R3HDM1: variants seen among roughly 807,000 people sequenced by gnomAD.
R3HDM1 encodes R3H domain containing 1.
Under a neutral mutation model 141.1 loss-of-function variants are expected in R3HDM1, and 46 were observed. The ratio of observed to expected loss-of-function variants is 0.33; its 90% CI spans 0.26 to 0.42. The LOEUF (loss-of-function observed/expected upper bound fraction) is 0.42. Ranked by LOEUF, R3HDM1 falls within the 10% of genes least tolerant of loss-of-function variation. R3HDM1 has a pLI of 1.00. For missense variants in R3HDM1, 1,184 were observed against 1,368.3 expected (o/e 0.87, Z 2.12); for synonymous variants, 435 against 472.9 (o/e 0.92, Z 1.04).
intron 1 of R3HDM1, among the ~76,000 whole-genome samples, chr2:135,595,844 A>G (rs1390475400): frequency 1.3e-5 from 2 of 152,160 alleles, no homozygotes; most frequent in Non-Finnish European, 2.9e-5. Flanking sequence ...TTCTTTGTCT[A>G]AACCCTAGTC....
intron 24 of R3HDM1, among the ~76,000 whole-genome samples, chr2:135,720,548 T>C (rs2076602653): frequency 6.6e-6 from 1 of 152,244 alleles, no homozygotes; most frequent in Admixed American, 6.5e-5. Context: ...GTGTGATGAC[T>C]TCAGGCTTTC....
At chr2:135,555,952 G>A (rs994976162) in intron 1 of R3HDM1, among the ~76,000 whole-genome samples, 1 of 152,086 alleles carries the variant, frequency 6.6e-6, no homozygotes, top group Admixed American at 6.6e-5. Context: ...GGAGGTTGAG[G>A]CTGCAGTGAG....
intron 3 of R3HDM1, among the ~76,000 whole-genome samples, chr2:135,608,889 T>C (rs2060295579): frequency 6.6e-6 from 1 of 152,218 alleles, no homozygotes; most frequent in African/African-American, 2.4e-5. Context: ...GTTATCTTGC[T>C]TCAGCATAGT....
intron 9 of R3HDM1, among the ~76,000 whole-genome samples, chr2:135,635,039 C>A (rs1191085915): frequency 6.6e-6 from 1 of 152,118 alleles, no homozygotes; most frequent in Non-Finnish European, 1.5e-5. Context: ...AAAGATGAGT[C>A]CACTATAAAA....
chr2:135,564,645 G>T (rs1254729155), intron 1 of R3HDM1, among the ~76,000 whole-genome samples: 1 of 152,188 alleles, frequency 6.6e-6, no homozygotes, highest in Non-Finnish European at 1.5e-5. Flanking sequence ...AATTTCTATA[G>T]TGCAGAGTAG....
intron 19 of R3HDM1, 56 bp downstream of exon 19, chr2:135,661,449 T>C (rs1025584485): frequency 6.3e-7 from 1 of 1,578,628 alleles, no homozygotes; most frequent in Admixed American, 1.7e-5. Context: ...CCATCTTCTA[T>C]TTCAGTGTTG....
intron 24 of R3HDM1, among the ~76,000 whole-genome samples, chr2:135,721,038 A>C (rs149156766): frequency 6.6e-6 from 1 of 152,262 alleles, no homozygotes; most frequent in African/African-American, 2.4e-5. Flanking sequence ...CCATATCTTC[A>C]AAGTATCCAG....
At chr2:135,558,362 A>C (rs16831823) in intron 1 of R3HDM1, among the ~76,000 whole-genome samples, 14,194 of 152,234 alleles carry the variant, frequency 0.093, 912 homozygotes, top group South Asian at 0.31. Context: ...CAACTATCTA[A>C]ATTTGGAACA....
intron 19 of R3HDM1, among the ~76,000 whole-genome samples, chr2:135,672,040 T>G (rs1453393232): frequency 6.6e-6 from 1 of 151,940 alleles, no homozygotes; most frequent in Non-Finnish European, 1.5e-5. Flanking sequence ...ATGTTACCTG[T>G]AGAGTTTTAT....
At chr2:135,594,977 A>AC (rs58907969) in intron 1 of R3HDM1, among the ~76,000 whole-genome samples, 27,329 of 138,790 alleles carry the variant, frequency 0.2, 2,736 homozygotes, top group South Asian at 0.3. Flanking sequence ...GGGATTCTAC[A>AC]CCCCCCCCCC....
intron 5 of R3HDM1, 144 bp from the exon 6 acceptor site, chr2:135,621,345 ATTAAG>A (rs759809251): frequency 6.6e-6 from 3 of 451,820 alleles, no homozygotes; most frequent in East Asian, 3.4e-5. Context: ...GTAAAGTATT[ATTAAG>A]TTGTTTTTTA....
At chr2:135,608,003 A>ATTG in intron 3 of R3HDM1, 1 of 970,916 alleles carries the variant, frequency 1.0e-6, no homozygotes, top group Non-Finnish European at 1.2e-6. Context: ...TTCATTGTTT[A>ATTG]TTGAAGTATT....
intron 17 of R3HDM1, 103 bp downstream of exon 17, chr2:135,650,106 G>A (rs1467948467): frequency 9.8e-7 from 1 of 1,016,212 alleles, no homozygotes; most frequent in African/African-American, 1.7e-5. Flanking sequence ...GATTTTTTTT[G>A]GGTCAGGTTT....
chr2:135,621,350 G>A (rs2061495898), intron 5 of R3HDM1, 144 bp from the exon 6 acceptor site: 1 of 456,848 alleles, frequency 2.2e-6, no homozygotes, highest in Non-Finnish European at 3.9e-6. Context: ...GTATTATTAA[G>A]TTGTTTTTTA....
chr2:135,566,626 A>G (rs1235462185), intron 1 of R3HDM1: 1 of 326,038 alleles, frequency 3.1e-6, no homozygotes, highest in Non-Finnish European at 4.4e-6. Flanking sequence ...CATTACCAGT[A>G]TATTTTCTTC....
intron 1 of R3HDM1, among the ~76,000 whole-genome samples, chr2:135,560,112 T>C (rs1206694587): frequency 6.6e-6 from 1 of 152,210 alleles, no homozygotes; most frequent in Non-Finnish European, 1.5e-5. Flanking sequence ...CGCATGTATA[T>C]ATTATTCTGC....
intron 19 of R3HDM1, among the ~76,000 whole-genome samples, chr2:135,670,888 G>A (rs2068235848): frequency 6.6e-6 from 1 of 151,710 alleles, no homozygotes; most frequent in Non-Finnish European, 1.5e-5. Flanking sequence ...GCGAAACCCT[G>A]AATCTACTAA....
Position 135,622,722 on chromosome 2 carries a change from A to C in R3HDM1, c.487A>C (p.Asn163His), listed in dbSNP as rs1244758109. 3 of 1,585,668 alleles carry C rather than the reference A, an allele frequency of 1.9e-6. 1 individual carries two copies. The highest frequency in any genetic ancestry group is 2.6e-6 in the Non-Finnish European group (3 of 1,160,670). ...LHEFLVNTLKNNPRDRMMLLK... is the reference protein window; with the variant it reads ...LHEFLVNTLKHNPRDRMMLLK... ...TGAATTTTTAGTAAATACATTAAAAAACAATCCCAGGTAAAAATTAAATTT... is the reference window on the plus strand; with the variant it reads ...TGAATTTTTAGTAAATACATTAAAACACAATCCCAGGTAAAAATTAAATTT... Residue 163 changes from asparagine (N) to histidine (H), a missense_variant, in exon 7 of 27, where the codon AAC (asparagine) becomes CAC (histidine). Asn to His is a moderately conservative substitution (Grantham distance 68). This residue lies in a region of R3HDM1 where 192 missense variants were observed against 215.7 expected (regional missense o/e 0.89). Coordinates refer to ENST00000683871, the MANE Select transcript of R3HDM1 (RefSeq NM_001378107.1).
At chr2:135,575,813 C>T (rs1329256195) in intron 1 of R3HDM1, among the ~76,000 whole-genome samples, 1 of 152,148 alleles carries the variant, frequency 6.6e-6, no homozygotes, top group African/African-American at 2.4e-5. Flanking sequence ...GATGTCAGTT[C>T]TCCTTAATTT....
Sources: allele counts gnomAD v4.1 joint callset (sites outside exome capture counted in the v4.1 genomes callset), GRCh38; gene constraint gnomAD v4.1.1; regional missense constraint gnomAD v4.1.1; transcripts MANE v1.5; gene names NCBI Gene and HGNC (gene_info 2026-07-23, HGNC 2026-07-21).